Variants in MKLN1 observed in about 807,000 individuals in gnomAD.
MKLN1 encodes the protein muskelin 1.
MKLN1 carries 18 observed loss-of-function variants against 99.0 expected under a neutral mutation model. The observed-to-expected ratio is 0.18, with a 90% confidence interval of 0.13 to 0.27. The LOEUF is 0.27. Among genes scored for constraint, MKLN1 ranks in the 10% least tolerant of loss-of-function variants. The pLI is 1.00. For missense variants in MKLN1, 621 were observed against 875.9 expected, an observed-to-expected ratio of 0.71 and a Z score of 3.67; for synonymous variants, 288 against 293.2, an observed-to-expected ratio of 0.98 and a Z score of 0.18.
intron 2 of MKLN1, among the ~76,000 whole-genome samples, chr7:131,158,901 T>C (rs2116307297): frequency 6.6e-6 from 1 of 152,232 alleles, no homozygotes; most frequent in African/African-American, 2.4e-5. Flanking sequence ...AGCATACAAA[T>C]AGATTAGATC....
intron 1 of MKLN1, among the ~76,000 whole-genome samples, chr7:131,128,380 G>C (rs138444540): frequency 1.3e-5 from 2 of 152,024 alleles, no homozygotes; most frequent in African/African-American, 4.8e-5. Flanking sequence ...AGTGGTAAAG[G>C]CCTTCATGAG....
intron 3 of MKLN1, among the ~76,000 whole-genome samples, chr7:131,261,002 A>T (rs1287919321): frequency 2.0e-5 from 3 of 152,274 alleles, no homozygotes; most frequent in African/African-American, 7.2e-5. Context: ...CTCAAGATGG[A>T]TTAAAGATTT....
intron 3 of MKLN1, among the ~76,000 whole-genome samples, chr7:131,237,082 C>T (rs921887107): frequency 1.3e-5 from 2 of 152,132 alleles, no homozygotes; most frequent in Non-Finnish European, 2.9e-5. Flanking sequence ...TTATTTTTTG[C>T]CTATGCCTGA....
chr7:131,250,186 A>C (rs1162554410), intron 3 of MKLN1, among the ~76,000 whole-genome samples: 1 of 152,130 alleles, frequency 6.6e-6, no homozygotes, highest in Non-Finnish European at 1.5e-5. Flanking sequence ...AGTCCTGAAG[A>C]GCTCAGAGGG....
intron 1 of MKLN1, among the ~76,000 whole-genome samples, chr7:131,353,941 G>C (rs184251085): frequency 4.1e-5 from 6 of 145,964 alleles, no homozygotes; most frequent in Admixed American, 1.4e-4. Context: ...GGGCATATAT[G>C]TGTGGGTCTT....
chr7:131,126,145 G>A (rs970309404), intron 1 of MKLN1, among the ~76,000 whole-genome samples: 3 of 151,998 alleles, frequency 2.0e-5, no homozygotes, highest in Non-Finnish European at 2.9e-5. Flanking sequence ...ACGTTTGAAG[G>A]ACATGTACAA....
chr7:131,465,449 T>C (rs549168502), intron 14 of MKLN1, among the ~76,000 whole-genome samples: 1 of 152,238 alleles, frequency 6.6e-6, no homozygotes, highest in Non-Finnish European at 1.5e-5. Flanking sequence ...TTTTTGGTAT[T>C]GAATTATGGA....
At chr7:131,271,948 A>G (rs1797892211) in intron 3 of MKLN1, among the ~76,000 whole-genome samples, 1 of 151,974 alleles carries the variant, frequency 6.6e-6, no homozygotes, top group African/African-American at 2.4e-5. Flanking sequence ...CTGTCCTTGC[A>G]CAGTATTACG....
At chr7:131,209,598 A>T (rs941297659) in intron 3 of MKLN1, among the ~76,000 whole-genome samples, 2 of 152,202 alleles carry the variant, frequency 1.3e-5, no homozygotes, top group Non-Finnish European at 2.9e-5. Flanking sequence ...GAAGTGTAGA[A>T]GACTCTGATA....
chr7:131,485,473 A>G lies in MKLN1; in HGVS notation c.2087-2134A>G, dbSNP rs182170873. On this transcript the variant is annotated intron_variant, in intron 17 of 17. Coordinates refer to ENST00000352689, the MANE Select transcript of MKLN1 (RefSeq NM_013255.5). ...AAATTATTGGATGCAGGGCTGTGGG[A>G]GAACAGGATATTTACACAGTCTCAA... Among the ~76,000 whole-genome samples the G allele has an allele frequency of 3.7e-4, 57 of 152,222 alleles. 1 individual carries two copies. The highest frequency in any genetic ancestry group is 1.4e-3 in the African/African-American group (57 of 41,568).
chr7:131,308,588 T>C (rs867774851), intron 3 of MKLN1, among the ~76,000 whole-genome samples: 9 of 110,018 alleles, frequency 8.2e-5, no homozygotes, highest in African/African-American at 2.7e-4. Context: ...GTTTTGTTTT[T>C]TCTTTTTTTT....
At chr7:131,231,332 T>A (rs1797241206) in intron 3 of MKLN1, among the ~76,000 whole-genome samples, 1 of 152,072 alleles carries the variant, frequency 6.6e-6, no homozygotes, top group African/African-American at 2.4e-5. Context: ...GCACTTCAGG[T>A]ACAACCCCAA....
At chr7:131,116,801 G>A (rs1282563730) in intron 1 of MKLN1, among the ~76,000 whole-genome samples, 1 of 152,016 alleles carries the variant, frequency 6.6e-6, no homozygotes, top group Non-Finnish European at 1.5e-5. Flanking sequence ...CATCACAACT[G>A]CAGTGACATC....
chr7:131,318,039 TAGAC>T (rs1459421211), intron 3 of MKLN1, among the ~76,000 whole-genome samples: 4 of 152,106 alleles, frequency 2.6e-5, no homozygotes, highest in Non-Finnish European at 4.4e-5. Context: ...CTGTCAATAT[TAGAC>T]AGATCAACAA....
Position 131,472,975 on chromosome 7 carries a change from A to C in MKLN1, c.2031+2031A>C, listed in dbSNP as rs910879424. On this transcript the variant is annotated intron_variant, in intron 16 of 17. Coordinates refer to ENST00000352689, the MANE Select transcript of MKLN1 (RefSeq NM_013255.5). Reference sequence around the variant, plus strand: ...AAAAAAAAAAAAAAAAGAAAAAAAAACACCATGCCCTCACCCTAAGGTTCT... The same window carrying C: ...AAAAAAAAAAAAAAAAGAAAAAAAACCACCATGCCCTCACCCTAAGGTTCT... Among the ~76,000 whole-genome samples the C allele has an allele frequency of 1.1e-4, 16 of 151,440 alleles. 1 individual carries two copies. Among genetic ancestry groups the C allele is most frequent in the African/African-American group, 3.1e-4 (13 of 41,328 alleles).
At chr7:131,267,390 C>T (rs1242215715) in intron 3 of MKLN1, among the ~76,000 whole-genome samples, 1 of 152,082 alleles carries the variant, frequency 6.6e-6, no homozygotes, top group Admixed American at 6.6e-5. Context: ...TCTTCAACAT[C>T]TCTTACCTCT....
intron 6 of MKLN1, among the ~76,000 whole-genome samples, chr7:131,407,876 C>A (rs1794755095): frequency 6.6e-6 from 1 of 151,948 alleles, no homozygotes; most frequent in Non-Finnish European, 1.5e-5. Flanking sequence ...CTCCTATTTG[C>A]CTTGGTGCTG....
intron 3 of MKLN1, among the ~76,000 whole-genome samples, chr7:131,275,461 C>A (rs533985865): frequency 7.6e-6 from 1 of 131,952 alleles, no homozygotes; most frequent in Non-Finnish European, 1.6e-5. Context: ...CTCCACCTTC[C>A]GGGTTCAGGT....
intron 3 of MKLN1, among the ~76,000 whole-genome samples, chr7:131,236,190 T>C (rs760124428): frequency 1.5e-4 from 23 of 152,178 alleles, no homozygotes; most frequent in Non-Finnish European, 2.5e-4. Context: ...GCAAGAAATA[T>C]AGAGATATGA....
Sources: gnomAD v4.1 joint callset for allele counts (sites outside exome capture counted in the v4.1 genomes callset) on GRCh38, gnomAD v4.1.1 for gene constraint, MANE v1.5 for transcripts, NCBI Gene and HGNC (gene_info 2026-07-23, HGNC 2026-07-21) for gene names.